EFCAB3: variants seen among roughly 807,000 people sequenced by gnomAD.
EFCAB3 encodes the protein EF-hand calcium binding domain 3, also known as EF-hand calcium-binding domain-containing protein 3.
Under a neutral mutation model 42.2 loss-of-function variants are expected in EFCAB3, and 36 were observed. The observed-to-expected ratio is 0.85, with a 90% CI of 0.65 to 1.13. The LOEUF (loss-of-function observed/expected upper bound fraction) is 1.13, where lower values mean the gene tolerates loss of function less well. EFCAB3 is among the 50% of genes most tolerant of loss of function. The pLI, the probability that EFCAB3 is intolerant of heterozygous loss-of-function variation, is 0.00. For synonymous variants in EFCAB3, 170 were observed against 172.8 expected, an observed-to-expected ratio of 0.98 and a Z score of 0.13; for missense variants, 418 against 505.1, an observed-to-expected ratio of 0.83 and a Z score of 1.65.
In EFCAB3 at chr17:62,387,370, C is replaced by A; in HGVS notation, c.105C>A (p.Cys35Ter). Residue 35 changes from cysteine (C) to a stop codon, truncating the protein, a stop_gained, in exon 3 of 10, where the codon TGC becomes TGA. Coordinates refer to ENST00000305286, the MANE Select transcript of EFCAB3 (RefSeq NM_173503.4). LOFTEE classifies it high-confidence loss of function. ...RDRDLPGSLQCQLQHKEKKLS... is the reference protein window; with the variant it reads ...RDRDLPGSLQ ...GAGACTTACCAGGATCTCTTCAATGCCAATTACAACACAAAGAAAAGAAGC... is the reference window on the plus strand; with the variant it reads ...GAGACTTACCAGGATCTCTTCAATGACAATTACAACACAAAGAAAAGAAGC... The A allele has an allele frequency of 6.2e-7, 1 of 1,611,436 alleles. No homozygotes were observed. Among genetic ancestry groups the A allele is most frequent in the Non-Finnish European group, 8.5e-7 (1 of 1,178,498 alleles).
At chr17:62,378,593 C>T (rs2070168376), upstream of EFCAB3, among the ~76,000 whole-genome samples, 1 of 151,920 alleles carries the variant, frequency 6.6e-6, no homozygotes, top group South Asian at 2.1e-4. Context: ...CCTAGCTACT[C>T]GGGAGGCTGA....
At chr17:62,392,521 C>A (rs892093838) in intron 4 of EFCAB3, among the ~76,000 whole-genome samples, 5 of 152,130 alleles carry the variant, frequency 3.3e-5, no homozygotes, top group African/African-American at 1.2e-4. Flanking sequence ...AGAATTCAAG[C>A]CTTTTGTTTC....
intron 1 of EFCAB3, among the ~76,000 whole-genome samples, chr17:62,370,958 G>A (rs1403271830): frequency 6.6e-6 from 1 of 152,050 alleles, no homozygotes; most frequent in Non-Finnish European, 1.5e-5. Context: ...CAGGCGTGAT[G>A]GCACATGCCT....
Position 62,393,665 on chromosome 17 carries a change from C to T in EFCAB3, c.367+21C>T, listed in dbSNP as rs759475025. The T allele has an allele frequency of 2.2e-5, 35 of 1,607,248 alleles. No homozygotes were observed. In the African/African-American group the frequency reaches 3.5e-4, roughly 16 times the overall value. On this transcript the variant is annotated intron_variant, in intron 5 of 9. Coordinates refer to ENST00000305286, the MANE Select transcript of EFCAB3 (RefSeq NM_173503.4). ...AGTGGGTGAGTAGAGATGTTATGAA[C>T]AGAAGGCAGTTGGGCAGCTACAACT...
At chr17:62,409,746 C>T (rs1167145607) in intron 8 of EFCAB3, among the ~76,000 whole-genome samples, 2 of 151,358 alleles carry the variant, frequency 1.3e-5, no homozygotes, top group Non-Finnish European at 2.9e-5. Context: ...ATACTACATG[C>T]ATACATATGT....
intron 4 of EFCAB3, among the ~76,000 whole-genome samples, chr17:62,392,628 C>A (rs2070313327): frequency 6.6e-6 from 1 of 151,930 alleles, no homozygotes; most frequent in African/African-American, 2.4e-5. Context: ...ATTTTTAAAG[C>A]ATACAGATAA....
intron 4 of EFCAB3, among the ~76,000 whole-genome samples, chr17:62,392,462 T>C: frequency 6.6e-6 from 1 of 152,114 alleles, no homozygotes; most frequent in East Asian, 1.9e-4. Context: ...AGGTTACCTG[T>C]CCTGATGTAC....
At chr17:62,371,548 CT>C (rs1489581380) in intron 1 of EFCAB3, among the ~76,000 whole-genome samples, 1 of 152,164 alleles carries the variant, frequency 6.6e-6, no homozygotes, top group Non-Finnish European at 1.5e-5. Context: ...CAGAGTGAGA[CT>C]CCGTCTCAAA....
Position 62,383,111 on chromosome 17 carries a change from A to G in EFCAB3, c.74+58A>G. ...ATTATGATAAAGAATTATTAGTGTT[A>G]CAGCTCTTTTAGAATTTTGTCTAGC... On this transcript the variant is annotated intron_variant, in intron 2 of 9. Transcript: ENST00000305286. The G allele has an allele frequency of 3.4e-6, 5 of 1,470,518 alleles. No homozygotes were observed. In the South Asian group the frequency reaches 5.0e-5, roughly 15 times the overall value. 91.1% of individuals were successfully genotyped at this position (1,470,518 alleles called of 1,614,324 possible).
chr17:62,406,026 TTAAG>T (rs780977126), intron 6 of EFCAB3, among the ~76,000 whole-genome samples: 10 of 148,042 alleles, frequency 6.8e-5, no homozygotes, highest in Non-Finnish European at 1.3e-4. Flanking sequence ...CTGGTACCAC[TTAAG>T]TGTTTGTCAA....
chr17:62,406,491 G>A lies in EFCAB3; in HGVS notation c.500G>A (p.Arg167Lys), dbSNP rs573185315. 2.2e-5 allele frequency: 34 copies of A among 1,578,010 alleles called. No homozygotes were observed. In the African/African-American group the frequency reaches 3.4e-4, roughly 16 times the overall value. ...SIIEIVSYFQ[R>K]KFQHTGPGML... ...TTTTTTTTTTAAAGCTATTTCCAAAGAAAATTCCAGCATACTGGCCCAGGA... is the reference window on the plus strand; with the variant it reads ...TTTTTTTTTTAAAGCTATTTCCAAAAAAAATTCCAGCATACTGGCCCAGGA... Residue 167 changes from arginine to lysine, a missense_variant, in exon 7 of 10, where the codon AGA (arginine) becomes AAA (lysine). By Grantham distance (26) the Arg-to-Lys change is conservative. Coordinates refer to ENST00000305286, the MANE Select transcript of EFCAB3 (RefSeq NM_173503.4).
chr17:62,394,018 G>C (rs146967972), intron 5 of EFCAB3, among the ~76,000 whole-genome samples: 1 of 151,142 alleles, frequency 6.6e-6, no homozygotes, highest in South Asian at 2.1e-4. Context: ...GCAGTGGCAC[G>C]ATCTTAGCTC....
intron 9 of EFCAB3, among the ~76,000 whole-genome samples, chr17:62,414,259 G>C (rs1046868085): frequency 6.6e-6 from 1 of 152,186 alleles, no homozygotes; most frequent in African/African-American, 2.4e-5. Context: ...AGAAGCTTGA[G>C]AAGATCAATA....
intron 6 of EFCAB3, among the ~76,000 whole-genome samples, chr17:62,398,716 C>T (rs1487015213): frequency 6.6e-6 from 1 of 151,622 alleles, no homozygotes; most frequent in Non-Finnish European, 1.5e-5. Flanking sequence ...CACACACACA[C>T]ACACACATAT....
At chr17:62,404,487 G>T (rs867453648) in intron 6 of EFCAB3, among the ~76,000 whole-genome samples, 1 of 151,978 alleles carries the variant, frequency 6.6e-6, no homozygotes, top group African/African-American at 2.4e-5. Flanking sequence ...GTGAGACTCT[G>T]TCTCTAAAAT....
chr17:62,387,113 G>A (rs888017257), intron 2 of EFCAB3, among the ~76,000 whole-genome samples: 1 of 152,134 alleles, frequency 6.6e-6, no homozygotes, highest in Non-Finnish European at 1.5e-5. Flanking sequence ...TTTTTTAAGG[G>A]AAGGGTGATG....
rs990688997 is a variant in EFCAB3 at position 62,384,419 on chromosome 17, T to C, written c.74+1366T>C. Among the ~76,000 whole-genome samples the C allele has an allele frequency of 2.0e-5, 3 of 152,094 alleles. No homozygotes were observed. In the East Asian group the frequency reaches 5.8e-4, roughly 29 times the overall value. ...GAGAGGCTGAGGCGGGTGGATCACT[T>C]GAGCCTAGGAATTTGAGACCAGCCT... On this transcript the variant is annotated intron_variant, in intron 2 of 9. Transcript: ENST00000305286.
intron 2 of EFCAB3, among the ~76,000 whole-genome samples, chr17:62,385,869 G>A (rs935159364): frequency 1.9e-4 from 28 of 150,120 alleles, no homozygotes; most frequent in Admixed American, 4.0e-4. Flanking sequence ...ACAGGCGCCC[G>A]CCACCATGCC....
chr17:62,397,086 T>G (rs1598014584), intron 6 of EFCAB3, among the ~76,000 whole-genome samples: 1 of 152,228 alleles, frequency 6.6e-6, no homozygotes, highest in East Asian at 1.9e-4. Flanking sequence ...CTCTTATCTA[T>G]CTCCCTATAC....
Sources: allele counts gnomAD v4.1 joint callset (sites outside exome capture counted in the v4.1 genomes callset), GRCh38; gene constraint gnomAD v4.1.1; transcripts MANE v1.5; gene names NCBI Gene and HGNC (gene_info 2026-07-23, HGNC 2026-07-21).